The following SEPHS1 variants were observed in gnomAD, a reference collection of about 807,000 sequenced individuals.
The protein encoded by SEPHS1 is selenophosphate synthetase 1, also known as zincore component SEPHS1.
SEPHS1 carries 7 observed loss-of-function variants against 39.2 expected under a neutral mutation model. The observed-to-expected ratio is 0.18, with a 90% confidence interval of 0.10 to 0.34. The LOEUF is 0.34. SEPHS1 is among the 10% of genes least tolerant of loss of function. The pLI is 1.00. For synonymous variants in SEPHS1, 190 were observed against 195.5 expected (o/e 0.97, Z 0.23); for missense variants, 253 against 514.5 (o/e 0.49, Z 4.92).
intron 8 of SEPHS1, chr10:13,322,035 T>C (rs1055800811): frequency 2.2e-6 from 1 of 455,722 alleles, no homozygotes; most frequent in Non-Finnish European, 4.4e-6. Context: ...TTATCCTCCA[T>C]TTATGTTTCC....
Position 13,324,641 on chromosome 10 carries a change from C to T in SEPHS1, c.752-1594G>A, listed in dbSNP as rs2265012. 2.6e-3 allele frequency among the ~76,000 whole-genome samples: 392 copies of T among 152,190 alleles called. 5 individuals carry two copies. The highest frequency in any genetic ancestry group is 9.1e-3 in the African/African-American group (380 of 41,534). ...TTGGGTTTTTTTTGAGACAGGGTCT[C>T]GCTTTGTCACCCAGGCTGGAGTGAG... On this transcript the variant is annotated intron_variant, in intron 7 of 8. Transcript: ENST00000327347.
At position 13,326,640 on chromosome 10, in the gene SEPHS1, TGGGC is replaced by T. The variant is rs201758734; in HGVS notation, c.751+1707_751+1710del. On this transcript the variant is annotated intron_variant, in intron 7 of 8. Coordinates refer to ENST00000327347, the MANE Select transcript of SEPHS1 (RefSeq NM_012247.5). ...ACCACTCACTGCAGTCTCAACATCC[TGGGC>T]TCAAGTAATCCTCCCACCTCAGCCT... 1.2e-3 allele frequency among the ~76,000 whole-genome samples: 184 copies of T among 151,906 alleles called. 3 individuals are homozygous for T. In the East Asian group the frequency reaches 0.031, roughly 26 times the overall value.
At chr10:13,339,727 C>G (rs1446016148) in intron 2 of SEPHS1, among the ~76,000 whole-genome samples, 1 of 152,196 alleles carries the variant, frequency 6.6e-6, no homozygotes, top group Admixed American at 6.5e-5. Context: ...CTACACACAT[C>G]TTCTCACATA....
Position 13,327,455 on chromosome 10 carries a change from A to T in SEPHS1, c.751+896T>A, listed in dbSNP as rs532635255. Among the ~76,000 whole-genome samples, 44 of 152,278 alleles carry T rather than the reference A, an allele frequency of 2.9e-4. No individual in the cohort carries two copies. In the South Asian group the frequency reaches 9.1e-3, roughly 32 times the overall value. The stretch of plus-strand genomic sequence containing the variant: ...AAGAATACATAAAAATGCTAGCCGG[A>T]GCTGTTTTGGGTGGAGGGACTATGG... On this transcript the variant is annotated intron_variant, in intron 7 of 8. Transcript: ENST00000327347.
intron 7 of SEPHS1, among the ~76,000 whole-genome samples, chr10:13,324,651 C>A (rs534124036): frequency 6.6e-6 from 1 of 152,260 alleles, no homozygotes; most frequent in South Asian, 2.1e-4. Context: ...CGCTTTGTCA[C>A]CCAGGCTGGA....
At chr10:13,329,821 A>G (rs1220281933) in intron 5 of SEPHS1, 33 bp from the exon 6 acceptor site, 2 of 1,525,836 alleles carry the variant, frequency 1.3e-6, no homozygotes, top group African/African-American at 2.7e-5. Context: ...TTCTAGTCAA[A>G]CTAACCAAGG....
chr10:13,322,166 G>C (rs1833138305), intron 8 of SEPHS1: 2 of 371,794 alleles, frequency 5.4e-6, no homozygotes, highest in Non-Finnish European at 1.0e-5. Context: ...TTTTAAGGCA[G>C]AATCTCGCTC....
chr10:13,326,141 A>T (rs1431994708), intron 7 of SEPHS1, among the ~76,000 whole-genome samples: 2 of 151,882 alleles, frequency 1.3e-5, no homozygotes, highest in Non-Finnish European at 2.9e-5. Flanking sequence ...TGGTGAAAAG[A>T]CTCTTTTCTC....
intron 5 of SEPHS1, among the ~76,000 whole-genome samples, chr10:13,330,792 G>T (rs910701067): frequency 6.6e-6 from 1 of 151,790 alleles, no homozygotes; most frequent in Non-Finnish European, 1.5e-5. Context: ...AAATGTCTTC[G>T]AATTCAGACT....
rs998806763 is a variant in SEPHS1, at chr10:13,318,241, G to A, written c.*901C>T. 2.0e-5 allele frequency: 3 copies of A among 152,496 alleles called. No homozygotes were observed. Among genetic ancestry groups the A allele is most frequent in the African/African-American group, 4.8e-5 (2 of 41,404 alleles). 9.4% of individuals were successfully genotyped at this position (152,496 alleles called of 1,614,324 possible). ...TAGGCCAAACAGCTGCTGATTTTAA[G>A]AAAACAAAAGGCCTGAAATCACTGT... On this transcript the variant is annotated 3_prime_UTR_variant, in exon 9 of 9. Coordinates refer to ENST00000327347, the MANE Select transcript of SEPHS1 (RefSeq NM_012247.5).
intron 5 of SEPHS1, among the ~76,000 whole-genome samples, chr10:13,333,377 C>A (rs1284365387): frequency 1.3e-5 from 2 of 151,950 alleles, no homozygotes; most frequent in South Asian, 4.1e-4. Context: ...AGGTGATCCA[C>A]CCGCCTTGGC....
intron 2 of SEPHS1, among the ~76,000 whole-genome samples, chr10:13,339,417 G>A (rs1172768897): frequency 6.6e-6 from 1 of 152,120 alleles, no homozygotes; most frequent in African/African-American, 2.4e-5. Context: ...CTATGTCAGA[G>A]GAGTCCCAAG....
chr10:13,335,464 GA>G (rs1203408504), intron 4 of SEPHS1, among the ~76,000 whole-genome samples: 1 of 149,930 alleles, frequency 6.7e-6, no homozygotes, highest in Non-Finnish European at 1.5e-5. Flanking sequence ...AGGAGTTCGA[GA>G]CCAGCCTGAC....
At chr10:13,334,719 A>C (rs559781915) in intron 4 of SEPHS1, among the ~76,000 whole-genome samples, 1 of 152,336 alleles carries the variant, frequency 6.6e-6, no homozygotes, top group East Asian at 1.9e-4. Context: ...TCTCAAAAAC[A>C]AACAAAAACA....
At chr10:13,330,791 C>T (rs1233892851) in intron 5 of SEPHS1, among the ~76,000 whole-genome samples, 5 of 151,848 alleles carry the variant, frequency 3.3e-5, no homozygotes, top group Non-Finnish European at 5.9e-5. Flanking sequence ...TAAATGTCTT[C>T]GAATTCAGAC....
At chr10:13,339,918 C>T (rs1192048596) in intron 2 of SEPHS1, among the ~76,000 whole-genome samples, 3 of 152,164 alleles carry the variant, frequency 2.0e-5, no homozygotes, top group African/African-American at 7.2e-5. Context: ...GAATCCCCCA[C>T]GAGGATTCTG....
chr10:13,329,828 A>G (rs1833414413), intron 5 of SEPHS1, 40 bp from the exon 6 acceptor site: 4 of 1,461,316 alleles, frequency 2.7e-6, no homozygotes, highest in Non-Finnish European at 3.8e-6. Context: ...CAAACTAACC[A>G]AGGAGATGAG....
intron 2 of SEPHS1, 102 bp from the exon 3 acceptor site, chr10:13,338,910 GGA>G: frequency 1.2e-6 from 1 of 838,244 alleles, no homozygotes; most frequent in Non-Finnish European, 2.0e-6. Context: ...AGATACTTAT[GGA>G]AACTGCAGGC....
At chr10:13,321,240 C>A (rs529727928) in intron 8 of SEPHS1, among the ~76,000 whole-genome samples, 24 of 140,714 alleles carry the variant, frequency 1.7e-4, no homozygotes, top group African/African-American at 6.7e-4. Context: ...TGGGGCTAGG[C>A]ATGTGTATTT....
Sources: allele counts gnomAD v4.1 joint callset (sites outside exome capture counted in the v4.1 genomes callset), GRCh38; gene constraint gnomAD v4.1.1; transcripts MANE v1.5; gene names NCBI Gene and HGNC (gene_info 2026-07-23, HGNC 2026-07-21).